WASHC5: variants seen among roughly 807,000 people sequenced by gnomAD.
WASHC5 encodes WASH complex subunit strumpellin.
A neutral mutation model predicts 150.4 loss-of-function variants in WASHC5; 101 were observed. That is an observed-to-expected ratio of 0.67 (90% CI 0.57 to 0.79). The LOEUF (loss-of-function observed/expected upper bound fraction) is 0.79. Among genes scored for constraint, WASHC5 ranks in the 30% least tolerant of loss-of-function variants. The pLI, the probability that WASHC5 is intolerant of heterozygous loss-of-function variation, is 0.00. For synonymous variants in WASHC5, 467 were observed against 491.2 expected, an observed-to-expected ratio of 0.95 and a Z score of 0.65; for missense variants, 1,195 against 1,396.3, an observed-to-expected ratio of 0.86 and a Z score of 2.30.
At chr8:125,035,014 A>C (rs778284711) in intron 26 of WASHC5, among the ~76,000 whole-genome samples, 1 of 152,204 alleles carries the variant, frequency 6.6e-6, no homozygotes, top group Non-Finnish European at 1.5e-5. Flanking sequence ...AGTTTCAATA[A>C]TCAAGACATT....
chr8:125,042,725 C>G (rs1815931473), intron 23 of WASHC5, among the ~76,000 whole-genome samples: 1 of 152,146 alleles, frequency 6.6e-6, no homozygotes, highest in African/African-American at 2.4e-5. Context: ...GGTTTTCCAG[C>G]AATTAGAAAC....
intron 17 of WASHC5, 36 bp from the exon 18 acceptor site, chr8:125,050,701 G>A (rs763407165): frequency 2.6e-5 from 40 of 1,516,540 alleles, no homozygotes; most frequent in East Asian, 4.5e-5. Flanking sequence ...TGATAGTTAC[G>A]AAAAATTCAG....
intron 9 of WASHC5, among the ~76,000 whole-genome samples, chr8:125,072,522 T>C (rs1308418862): frequency 6.6e-6 from 1 of 152,052 alleles, no homozygotes; most frequent in African/African-American, 2.4e-5. Flanking sequence ...TACAGGTGTG[T>C]GCCACCATGC....
chr8:125,083,901 T>G lies in WASHC5; in HGVS notation c.-3A>C. ...TTCTCGGCTAGAAAGTCCAACATTGTGAGGCGGACCGACTACTCTGTGCCT... is the reference window on the plus strand; with the variant it reads ...TTCTCGGCTAGAAAGTCCAACATTGGGAGGCGGACCGACTACTCTGTGCCT... On this transcript the variant is annotated 5_prime_UTR_variant, in exon 2 of 29. Coordinates refer to ENST00000318410, the MANE Select transcript of WASHC5 (RefSeq NM_014846.4). 1 of 1,613,396 alleles carries G rather than the reference T, an allele frequency of 6.2e-7. No homozygotes were observed. The highest frequency in any genetic ancestry group is 8.5e-7 in the Non-Finnish European group (1 of 1,179,660).
Position 125,063,575 on chromosome 8 carries a change from T to C in WASHC5, c.1355A>G (p.Glu452Gly). ...YKKEGSERMTELADVFSGVKP... is the reference protein window; with the variant it reads ...YKKEGSERMTGLADVFSGVKP... The stretch of plus-strand genomic sequence containing the variant: ...CACTCCTGAAAAGACATCAGCAAGC[T>C]CAGTCATCCGCTCCGAACCCTCTTT... The change falls in exon 11 of 29, where the codon GAG becomes GGG. Residue 452 changes from glutamate (E) to glycine (G), a missense_variant. Physicochemically the swap from Glu to Gly is moderately conservative, Grantham distance 98. This residue lies in a region of WASHC5 where 997 missense variants were observed against 1,168.1 expected (regional missense o/e 0.85). Coordinates refer to ENST00000318410, the MANE Select transcript of WASHC5 (RefSeq NM_014846.4). 1 of 1,613,970 alleles carries C rather than the reference T, an allele frequency of 6.2e-7. No homozygotes were observed.
chr8:125,025,461 G>A (rs1200192808), intron 28 of WASHC5, among the ~76,000 whole-genome samples: 1 of 151,984 alleles, frequency 6.6e-6, no homozygotes, highest in Admixed American at 6.6e-5. Flanking sequence ...AGGCTGAGGT[G>A]GGTGGATCAT....
At position 125,044,114 on chromosome 8, in the gene WASHC5, G is replaced by A; in HGVS notation, c.2668-20C>T. The A allele has an allele frequency of 6.8e-7, 1 of 1,468,480 alleles. No homozygotes were observed. The highest frequency in any genetic ancestry group is 9.5e-7 in the Non-Finnish European group (1 of 1,047,936). The allele number at this position is 1,468,480 out of a possible 1,614,324, so 91.0% of individuals were successfully genotyped here. ...GAAATTCTAAAAACAAGAAGGCACG[G>A]TCAAAGAACCAAACATAATGAATTA... On this transcript the variant is annotated intron_variant, in intron 21 of 28. Coordinates refer to ENST00000318410, the MANE Select transcript of WASHC5 (RefSeq NM_014846.4).
At chr8:125,091,523 A>G (rs1477423761) in intron 1 of WASHC5, 92 bp downstream of exon 1, 1 of 151,992 alleles carries the variant, frequency 6.6e-6, no homozygotes, top group Non-Finnish European at 1.5e-5. Flanking sequence ...GCTGCACGCG[A>G]CTCTGCAGAC....
chr8:125,025,913 T>C (rs1381894788), intron 28 of WASHC5, among the ~76,000 whole-genome samples: 1 of 152,016 alleles, frequency 6.6e-6, no homozygotes, highest in African/African-American at 2.4e-5. Flanking sequence ...CTAAATCTTA[T>C]ATTATGAACA....
chr8:125,047,062 T>A (rs1816089250), intron 20 of WASHC5, 145 bp downstream of exon 20: 1 of 951,238 alleles, frequency 1.1e-6, no homozygotes, highest in Non-Finnish European at 1.7e-6. Flanking sequence ...GCGCAGGGGT[T>A]AGGGACCCTT....
intron 6 of WASHC5, 75 bp downstream of exon 6, chr8:125,078,663 A>C: frequency 8.4e-7 from 1 of 1,190,394 alleles, no homozygotes; most frequent in Non-Finnish European, 1.3e-6. Context: ...GAAGGAAGGA[A>C]AGGAGTAATT....
At position 125,049,135 on chromosome 8, in the gene WASHC5, T is replaced by A; in HGVS notation, c.2250A>T (p.Gly750=). 3 of 1,614,118 alleles carry A rather than the reference T, an allele frequency of 1.9e-6. No homozygotes were observed. Among genetic ancestry groups the A allele is most frequent in the Non-Finnish European group, 2.5e-6 (3 of 1,179,998 alleles). The change falls in exon 19 of 29, where the codon GGA becomes GGT. Residue 750 remains glycine, a synonymous_variant. Transcript: ENST00000318410. ...KLKELGATMD[G]FHRSFEYIQD... is the part of the protein sequence containing the mutation. ...GTATGTATTCAAAAGAACGATGGAA[T>A]CCATCCATGGTCGCTCCCAACTCTT... is the stretch of plus-strand genomic sequence containing the variant.
intron 2 of WASHC5, 66 bp downstream of exon 2, chr8:125,083,647 T>C (rs566056599): frequency 1.7e-4 from 219 of 1,283,414 alleles, no homozygotes; most frequent in Middle Eastern, 1.2e-3. Flanking sequence ...CAGAGTTTCA[T>C]GGTTCCCAGA....
intron 27 of WASHC5, among the ~76,000 whole-genome samples, chr8:125,032,022 A>G (rs3750237): frequency 1.3e-5 from 2 of 152,044 alleles, no homozygotes; most frequent in Middle Eastern, 3.4e-3. Context: ...TGGAAAATCA[A>G]TGTGAGTAGA....
intron 1 of WASHC5, among the ~76,000 whole-genome samples, chr8:125,086,145 C>A (rs1175038911): frequency 1.3e-5 from 2 of 152,136 alleles, no homozygotes; most frequent in Non-Finnish European, 1.5e-5. Flanking sequence ...TAACAAAGCA[C>A]CACAGAGAGG....
chr8:125,060,804 A>G (rs1256593223), intron 12 of WASHC5, among the ~76,000 whole-genome samples: 1 of 152,096 alleles, frequency 6.6e-6, no homozygotes, highest in Non-Finnish European at 1.5e-5. Flanking sequence ...CCTTATCACA[A>G]TTTGCCCAAT....
chr8:125,044,497 AG>A, intron 21 of WASHC5, 38 bp downstream of exon 21: 3 of 1,609,372 alleles, frequency 1.9e-6, no homozygotes, highest in Non-Finnish European at 2.6e-6. Flanking sequence ...CCTCTCCCCC[AG>A]GGTGGCAGAA....
At position 125,057,646 on chromosome 8, in the gene WASHC5, C is replaced by A. The variant is rs1044612540; in HGVS notation, c.1785G>T (p.Leu595=). ...TFLKLASALD[L]PLLRINQANS... is the part of the protein sequence containing the mutation. ...TTGCCTGATTAATACGAAGAAGGGG[C>A]AGATCGAGGGCAGAGGCAAGCTGGA... The change falls in exon 15 of 29, where the codon CTG becomes CTT. Residue 595 remains leucine, a synonymous_variant. Coordinates refer to ENST00000318410, the MANE Select transcript of WASHC5 (RefSeq NM_014846.4). 2 of 1,613,032 alleles carry A rather than the reference C, an allele frequency of 1.2e-6. No homozygotes were observed. Among genetic ancestry groups the A allele is most frequent in the African/African-American group, 2.7e-5 (2 of 74,876 alleles).
intron 1 of WASHC5, among the ~76,000 whole-genome samples, chr8:125,085,385 G>A (rs1817390428): frequency 6.6e-6 from 1 of 152,110 alleles, no homozygotes; most frequent in Admixed American, 6.6e-5. Context: ...ACTTTTCCAT[G>A]GTAAATGACT....
Sources: gnomAD v4.1 joint callset for allele counts (sites outside exome capture counted in the v4.1 genomes callset) on GRCh38, gnomAD v4.1.1 for gene constraint, gnomAD v4.1.1 regional missense constraint, MANE v1.5 for transcripts, NCBI Gene and HGNC (gene_info 2026-07-23, HGNC 2026-07-21) for gene names.